Variants in DTWD2 observed in about 807,000 individuals in gnomAD.
The protein encoded by DTWD2 is tRNA-uridine aminocarboxypropyltransferase 2.
Under a neutral mutation model 31.8 loss-of-function variants are expected in DTWD2, and 39 were observed. The ratio of observed to expected loss-of-function variants is 1.22; its 90% CI spans 0.95 to 1.60. The LOEUF is 1.60. Among genes scored for constraint, DTWD2 ranks in the 40% most tolerant of loss-of-function variants. The pLI, the probability that DTWD2 is intolerant of heterozygous loss-of-function variation, is 0.00. For missense variants in DTWD2, 515 were observed against 381.5 expected, an observed-to-expected ratio of 1.35 and a Z score of -2.92; for synonymous variants, 180 against 142.8, an observed-to-expected ratio of 1.26 and a Z score of -1.86.
At chr5:118,934,427 C>A (rs1753992677) in intron 3 of DTWD2, among the ~76,000 whole-genome samples, 1 of 149,066 alleles carries the variant, frequency 6.7e-6, no homozygotes, top group Non-Finnish European at 1.5e-5. Flanking sequence ...AAAACAATAA[C>A]ACAAAAAATA....
chr5:118,942,108 A>AT (rs1754217158), intron 2 of DTWD2, among the ~76,000 whole-genome samples: 1 of 152,096 alleles, frequency 6.6e-6, no homozygotes, highest in African/African-American at 2.4e-5. Flanking sequence ...GATTGCAAAA[A>AT]TTTTCTCTCA....
intron 4 of DTWD2, among the ~76,000 whole-genome samples, chr5:118,851,836 T>C (rs1752014672): frequency 7.8e-6 from 1 of 128,414 alleles, no homozygotes; most frequent in Non-Finnish European, 1.6e-5. Context: ...ACTTAAAGTA[T>C]AATAAAAAAA....
At position 118,887,221 on chromosome 5, in the gene DTWD2, A is replaced by G. The variant is rs822744; in HGVS notation, c.598-39003T>C. On this transcript the variant is annotated intron_variant, in intron 4 of 5. Transcript: ENST00000510708. ...TTTTAATTTAAAATTCGTGATAAAA[A>G]TATTCTATTCTCTAAAAGTTTGTGC... Among the ~76,000 whole-genome samples the G allele has an allele frequency of 4.5e-3, 688 of 152,308 alleles. 12 individuals are homozygous for G. Among genetic ancestry groups the G allele is most frequent in the African/African-American group, 0.016 (645 of 41,578 alleles).
chr5:118,943,064 A>G (rs1377570507), intron 2 of DTWD2, among the ~76,000 whole-genome samples: 1 of 152,124 alleles, frequency 6.6e-6, no homozygotes, highest in African/African-American at 2.4e-5. Flanking sequence ...TCAGCCTCCC[A>G]AAGTGCTGGA....
chr5:118,845,437 G>C (rs955000029), intron 5 of DTWD2, among the ~76,000 whole-genome samples: 2 of 152,084 alleles, frequency 1.3e-5, no homozygotes, highest in African/African-American at 4.8e-5. Flanking sequence ...CTGGATGTGG[G>C]GTTCCCCCAC....
intron 1 of DTWD2, among the ~76,000 whole-genome samples, chr5:118,959,408 T>C (rs1754659785): frequency 6.6e-6 from 1 of 151,972 alleles, no homozygotes; most frequent in African/African-American, 2.4e-5. Flanking sequence ...TAAAAAAATC[T>C]CTACAACGAG....
intron 4 of DTWD2, among the ~76,000 whole-genome samples, chr5:118,907,875 A>G (rs1753369631): frequency 6.6e-6 from 1 of 152,166 alleles, no homozygotes; most frequent in African/African-American, 2.4e-5. Context: ...GATAAAGCCC[A>G]CCCATATTAT....
At chr5:118,968,445 G>C (rs1754904438) in intron 1 of DTWD2, among the ~76,000 whole-genome samples, 1 of 152,158 alleles carries the variant, frequency 6.6e-6, no homozygotes, top group Admixed American at 6.5e-5. Flanking sequence ...AGGTATCCAG[G>C]TTCTCACACT....
chr5:118,880,789 C>A (rs555151698), intron 4 of DTWD2, among the ~76,000 whole-genome samples: 10 of 152,228 alleles, frequency 6.6e-5, no homozygotes, highest in African/African-American at 2.2e-4. Flanking sequence ...TCAAAAGTCA[C>A]GGCTAAACTT....
chr5:118,967,932 A>T (rs1486173329), intron 1 of DTWD2, among the ~76,000 whole-genome samples: 3 of 152,240 alleles, frequency 2.0e-5, no homozygotes, highest in African/African-American at 7.2e-5. Flanking sequence ...CAAAGGGAAC[A>T]GGAGTAACTG....
chr5:118,908,536 G>A (rs1483040024), intron 4 of DTWD2, among the ~76,000 whole-genome samples: 1 of 151,878 alleles, frequency 6.6e-6, no homozygotes, highest in Non-Finnish European at 1.5e-5. Flanking sequence ...GTCTTATATA[G>A]CCTAGAATAA....
At chr5:118,948,251 G>T (rs542791890) in intron 1 of DTWD2, among the ~76,000 whole-genome samples, 2 of 152,150 alleles carry the variant, frequency 1.3e-5, no homozygotes, top group African/African-American at 4.8e-5. Context: ...CGAGGCGGGC[G>T]GATCACAAGG....
At chr5:118,972,823 C>T (rs1329875265) in intron 1 of DTWD2, among the ~76,000 whole-genome samples, 1 of 152,176 alleles carries the variant, frequency 6.6e-6, no homozygotes, top group Non-Finnish European at 1.5e-5. Flanking sequence ...GTTCAACATA[C>T]GTGAATCCAT....
chr5:118,881,273 T>C (rs1160697445), intron 4 of DTWD2, among the ~76,000 whole-genome samples: 1 of 152,210 alleles, frequency 6.6e-6, no homozygotes, highest in African/African-American at 2.4e-5. Context: ...CTTTGCTTTC[T>C]GTTTTATCAT....
chr5:118,864,891 T>C (rs547533736), intron 4 of DTWD2, among the ~76,000 whole-genome samples: 2 of 152,264 alleles, frequency 1.3e-5, no homozygotes, highest in Non-Finnish European at 2.9e-5. Context: ...ATTGCTAGGC[T>C]GCCAAAGCCA....
At chr5:118,940,623 C>T (rs1043529434) in intron 2 of DTWD2, among the ~76,000 whole-genome samples, 7 of 152,092 alleles carry the variant, frequency 4.6e-5, no homozygotes, top group African/African-American at 1.7e-4. Context: ...AATATTAAGG[C>T]ACACAATTCT....
At chr5:118,987,408 G>A (rs1282952520) in intron 1 of DTWD2, among the ~76,000 whole-genome samples, 3 of 152,200 alleles carry the variant, frequency 2.0e-5, no homozygotes, top group Admixed American at 6.5e-5. Context: ...GATACTCCAA[G>A]TATTCAAGCA....
At chr5:118,911,481 T>C (rs1056571267) in intron 4 of DTWD2, among the ~76,000 whole-genome samples, 4 of 152,210 alleles carry the variant, frequency 2.6e-5, no homozygotes, top group African/African-American at 9.6e-5. Flanking sequence ...AACTACCATA[T>C]GATCCAGCAA....
intron 1 of DTWD2, among the ~76,000 whole-genome samples, chr5:118,981,597 G>C (rs959047539): frequency 2.3e-4 from 35 of 151,806 alleles, no homozygotes; most frequent in African/African-American, 8.0e-4. Flanking sequence ...GTCTTACTCT[G>C]TCACCCAGGC....
Sources: allele counts gnomAD v4.1 joint callset (sites outside exome capture counted in the v4.1 genomes callset), GRCh38; gene constraint gnomAD v4.1.1; transcripts MANE v1.5; gene names NCBI Gene and HGNC (gene_info 2026-07-23, HGNC 2026-07-21).